Variants in RBFOX1 observed in about 807,000 individuals in gnomAD.
The protein encoded by RBFOX1 is RNA binding protein fox-1 homolog 1.
RBFOX1 carries 8 observed loss-of-function variants against 57.7 expected under a neutral mutation model. That is an observed-to-expected ratio of 0.14 (90% CI 0.08 to 0.25). The LOEUF is 0.25. RBFOX1 is among the 10% of genes least tolerant of loss of function. The pLI, the probability that RBFOX1 is intolerant of heterozygous loss-of-function variation, is 1.00. For synonymous variants in RBFOX1, 326 were observed against 222.4 expected (o/e 1.47, Z -4.15); for missense variants, 611 against 548.5 (o/e 1.11, Z -1.14).
At chr16:6,450,908 A>T (rs1246811012) in intron 2 of RBFOX1, among the ~76,000 whole-genome samples, 2 of 130,152 alleles carry the variant, frequency 1.5e-5, no homozygotes, top group Admixed American at 1.7e-4. Context: ...CTTCTTCTTT[A>T]TAACCCCTGA....
At chr16:7,678,953 C>G (rs1274563385) in intron 14 of RBFOX1, among the ~76,000 whole-genome samples, 1 of 152,148 alleles carries the variant, frequency 6.6e-6, no homozygotes, top group East Asian at 1.9e-4. Flanking sequence ...ATACTGTTGT[C>G]CATATAATTG....
intron 2 of RBFOX1, among the ~76,000 whole-genome samples, chr16:6,604,510 G>A (rs1185730292): frequency 6.6e-6 from 1 of 151,972 alleles, no homozygotes; most frequent in African/African-American, 2.4e-5. Context: ...ATAAAGTAGA[G>A]GTTAAATGAT....
At position 7,296,076 on chromosome 16, in the gene RBFOX1, G is replaced by A. The variant is rs1424450332; in HGVS notation, c.28-222071G>A. On this transcript the variant is annotated intron_variant, in intron 4 of 15. Transcript: ENST00000550418. The stretch of plus-strand genomic sequence containing the variant: ...GTTGTGCCAGTGCCTATGCTGAGAA[G>A]CACTTTACATTCATTATCTCGGTGG... Among the ~76,000 whole-genome samples, 4 of 151,892 alleles carry A rather than the reference G, an allele frequency of 2.6e-5. No homozygotes were observed. In the South Asian group the frequency reaches 6.2e-4, roughly 24 times the overall value.
chr16:6,411,411 C>G (rs1555461210), intron 2 of RBFOX1, among the ~76,000 whole-genome samples: 1 of 152,206 alleles, frequency 6.6e-6, no homozygotes, highest in Non-Finnish European at 1.5e-5. Context: ...CCGATGAACA[C>G]ATGCCTTTGT....
At chr16:7,207,856 G>T (rs904849171) in intron 4 of RBFOX1, among the ~76,000 whole-genome samples, 5 of 152,144 alleles carry the variant, frequency 3.3e-5, no homozygotes, top group African/African-American at 1.2e-4. Flanking sequence ...CCTTTATTCA[G>T]GAGAGAGAGC....
At chr16:6,703,517 C>G (rs1209505661) in intron 3 of RBFOX1, among the ~76,000 whole-genome samples, 3 of 150,984 alleles carry the variant, frequency 2.0e-5, no homozygotes, top group African/African-American at 2.4e-5. Flanking sequence ...TTCAAGGCAG[C>G]CTAGGCAACA....
chr16:6,166,144 C>T (rs985417652), intron 1 of RBFOX1, among the ~76,000 whole-genome samples: 1 of 152,092 alleles, frequency 6.6e-6, no homozygotes, highest in African/African-American at 2.4e-5. Context: ...TCTGGTTCCC[C>T]AAGTAGAAAG....
chr16:6,076,006 A>G (rs1197723259), intron 1 of RBFOX1, among the ~76,000 whole-genome samples: 1 of 152,118 alleles, frequency 6.6e-6, no homozygotes, highest in African/African-American at 2.4e-5. Context: ...TGCTCTTAAA[A>G]CACAGCTCTT....
chr16:5,407,258 C>G (rs922166854), intron 1 of RBFOX1, among the ~76,000 whole-genome samples: 3 of 152,128 alleles, frequency 2.0e-5, no homozygotes, highest in Non-Finnish European at 4.4e-5. Context: ...CCAGTCCCCT[C>G]CCACCAGGTC....
rs113101923 is a variant in RBFOX1 at position 6,100,442 on chromosome 16, A to C, written c.-127+80450A>C. ...CTCCCAAAGTGCTGGGATTACAGGC[A>C]TGAGCCACCGCGCCCGGCCGGCTTA... On this transcript the variant is annotated intron_variant, in intron 1 of 15. Transcript: ENST00000550418. Among the ~76,000 whole-genome samples the C allele has an allele frequency of 1.8e-3, 268 of 152,328 alleles. 1 individual carries two copies. Among genetic ancestry groups the C allele is most frequent in the African/African-American group, 6.3e-3 (262 of 41,584 alleles).
rs139863154 is a variant in RBFOX1 at position 5,669,398 on chromosome 16, C to G, written c.318+70437C>G. Among the ~76,000 whole-genome samples the G allele has an allele frequency of 8.4e-3, 1,242 of 148,128 alleles. 5 individuals are homozygous for G. The highest frequency in any genetic ancestry group is 0.014 in the Non-Finnish European group (926 of 67,386). ...GAAACCCACCCGTAGAGCAGTCCTG[C>G]CAAAGAGAATGAGAACAAGTTGGCT... On this transcript the variant is annotated intron_variant, in intron 3 of 19. Coordinates refer to the RBFOX1 transcript ENST00000641259.
chr16:6,806,831 TATA>T (rs2086914799), intron 3 of RBFOX1, among the ~76,000 whole-genome samples: 1 of 77,792 alleles, frequency 1.3e-5, no homozygotes, highest in Non-Finnish European at 2.7e-5. Context: ...TATATATATA[TATA>T]TATTTTTTTT....
chr16:6,591,629 G>T (rs914716221), intron 2 of RBFOX1, among the ~76,000 whole-genome samples: 1 of 152,144 alleles, frequency 6.6e-6, no homozygotes, highest in East Asian at 1.9e-4. Context: ...CTTTTCTTCA[G>T]TATATCTCTG....
At chr16:5,720,490 G>T (rs1444229441) in intron 3 of RBFOX1, among the ~76,000 whole-genome samples, 1 of 151,966 alleles carries the variant, frequency 6.6e-6, no homozygotes, top group Non-Finnish European at 1.5e-5. Context: ...TGCTTTTATT[G>T]TCATATTAAC....
chr16:6,835,734 A>G (rs969349639), intron 3 of RBFOX1, among the ~76,000 whole-genome samples: 1 of 126,730 alleles, frequency 7.9e-6, no homozygotes, highest in Non-Finnish European at 1.6e-5. Context: ...AGCCTGGGTG[A>G]TAGAGTAAGA....
chr16:6,076,669 A>G (rs1280013780), intron 1 of RBFOX1, among the ~76,000 whole-genome samples: 1 of 152,168 alleles, frequency 6.6e-6, no homozygotes, highest in Non-Finnish European at 1.5e-5. Context: ...AAGGAAGAAC[A>G]CAACTTTTCT....
Position 5,383,584 on chromosome 16 carries a change from G to C in RBFOX1, c.220-83632G>C, listed in dbSNP as rs950692637. Among the ~76,000 whole-genome samples, 5 of 152,198 alleles carry C rather than the reference G, an allele frequency of 3.3e-5. No individual in the cohort carries two copies. In the South Asian group the frequency reaches 1.0e-3, roughly 32 times the overall value. ...CTCAGTTTCTCTGTTTGTGAAATGGGGGTAGGAATGCATAGTAAGTCCCTA... is the reference window on the plus strand; with the variant it reads ...CTCAGTTTCTCTGTTTGTGAAATGGCGGTAGGAATGCATAGTAAGTCCCTA... On this transcript the variant is annotated intron_variant, in intron 1 of 2. Coordinates refer to the RBFOX1 transcript ENST00000585867.
chr16:7,582,509 G>A (rs890867925), intron 6 of RBFOX1, among the ~76,000 whole-genome samples: 17 of 152,080 alleles, frequency 1.1e-4, no homozygotes, highest in East Asian at 5.8e-4. Flanking sequence ...GCCAAACACC[G>A]GTGGTCATGG....
At chr16:7,164,083 G>C (rs2078946253) in intron 4 of RBFOX1, among the ~76,000 whole-genome samples, 1 of 152,154 alleles carries the variant, frequency 6.6e-6, no homozygotes, top group African/African-American at 2.4e-5. Flanking sequence ...AGTGTACACT[G>C]TACCCAGTGT....
Sources: allele counts gnomAD v4.1 joint callset (sites outside exome capture counted in the v4.1 genomes callset), GRCh38; gene constraint gnomAD v4.1.1; transcripts MANE v1.5; gene names NCBI Gene and HGNC (gene_info 2026-07-23, HGNC 2026-07-21).